HSPA12A: variants seen among roughly 807,000 people sequenced by gnomAD.
HSPA12A encodes heat shock 70 kDa protein 12A.
Under a neutral mutation model 69.2 loss-of-function variants are expected in HSPA12A, and 28 were observed. That is an observed-to-expected ratio of 0.40 (90% confidence interval 0.30 to 0.55). The LOEUF is 0.55. Ranked by LOEUF, HSPA12A falls within the 20% of genes least tolerant of loss-of-function variation. The pLI is 0.38. For synonymous variants in HSPA12A, 345 were observed against 370.5 expected (o/e 0.93, Z 0.79); for missense variants, 686 against 900.7 (o/e 0.76, Z 3.05).
Position 116,674,157 on chromosome 10 carries a change from G to GA in HSPA12A, c.*623_*624insT, listed in dbSNP as rs1367870708. The stretch of plus-strand genomic sequence containing the variant: ...CCCTAGTGGATTACCCAAGGCTACG[G>GA]TTATTCTTCCCTGAACCTCCTTGCT... On this transcript the variant is annotated 3_prime_UTR_variant, in exon 12 of 12. Coordinates refer to ENST00000369209, the MANE Select transcript of HSPA12A (RefSeq NM_025015.3). The GA allele has an allele frequency of 6.5e-6, 1 of 153,348 alleles. No homozygotes were observed. The highest frequency in any genetic ancestry group is 6.4e-5 in the Admixed American group (1 of 15,504). 9.5% of individuals were successfully genotyped at this position (153,348 alleles called of 1,614,324 possible).
intron 1 of HSPA12A, among the ~76,000 whole-genome samples, chr10:116,847,528 C>T (rs2133230110): frequency 6.6e-6 from 1 of 152,302 alleles, no homozygotes; most frequent in East Asian, 1.9e-4. Flanking sequence ...AACTACTTTT[C>T]CACCCTATTT....
At chr10:116,743,286 A>T (rs1215866615), upstream of HSPA12A, among the ~76,000 whole-genome samples, 1 of 151,634 alleles carries the variant, frequency 6.6e-6, no homozygotes, top group Non-Finnish European at 1.5e-5. Flanking sequence ...AATGATTCAT[A>T]CTCCCTGTCC....
Position 116,673,537 on chromosome 10 carries a change from A to G in HSPA12A, c.*1244T>C. On this transcript the variant is annotated 3_prime_UTR_variant, in exon 12 of 12. Coordinates refer to ENST00000369209, the MANE Select transcript of HSPA12A (RefSeq NM_025015.3). ...AACCACGATGTGGTATACACTACAA[A>G]TGCAGATTCTGGTGCCCCTCTCCAA... 6.6e-6 allele frequency: 1 copy of G among 152,196 alleles called. No homozygotes were observed. The highest frequency in any genetic ancestry group is 1.5e-5 in the Non-Finnish European group (1 of 68,040). 9.4% of individuals were successfully genotyped at this position (152,196 alleles called of 1,614,324 possible).
chr10:116,828,973 C>A (rs1845561525), intron 2 of HSPA12A: 1 of 152,190 alleles, frequency 6.6e-6, no homozygotes, highest in African/African-American at 2.4e-5. Context: ...GTGTTTCCAT[C>A]CAAGCCTCCA....
intron 2 of HSPA12A, among the ~76,000 whole-genome samples, chr10:116,747,835 C>T (rs1851683819): frequency 6.6e-6 from 1 of 151,612 alleles, no homozygotes; most frequent in Non-Finnish European, 1.5e-5. Context: ...CCCGTCTCTA[C>T]TAAAAATACA....
At chr10:116,791,829 A>T (rs1400822453) in intron 2 of HSPA12A, among the ~76,000 whole-genome samples, 1 of 151,884 alleles carries the variant, frequency 6.6e-6, no homozygotes, top group Non-Finnish European at 1.5e-5. Flanking sequence ...CTGCCTGCAG[A>T]ATCTTCCATC....
chr10:116,735,438 C>A (rs1264992295), intron 1 of HSPA12A, among the ~76,000 whole-genome samples: 1 of 152,156 alleles, frequency 6.6e-6, no homozygotes, highest in African/African-American at 2.4e-5. Context: ...CCTCAAGAGG[C>A]CTTGCAGCTT....
rs1564777383 is a variant in HSPA12A, at chr10:116,686,443, G to C, written c.664-2481C>G. ...CAACTTGCTGCAAAGAAACTGCCAG[G>C]CCTGTATGTATACAATTCTCCTCCA... is the stretch of plus-strand genomic sequence containing the variant. On this transcript the variant is annotated intron_variant, in intron 6 of 11. Transcript: ENST00000369209. This position sits in a 1 kb window ranked among gnomAD's most constrained non-coding sequence, Gnocchi z 4.1. Among the ~76,000 whole-genome samples, 1 of 152,178 alleles carries C rather than the reference G, an allele frequency of 6.6e-6. No individual in the cohort carries two copies. The highest frequency in any genetic ancestry group is 2.1e-4 in the South Asian group (1 of 4,826).
At chr10:116,692,019 T>A (rs1471653988) in intron 6 of HSPA12A, among the ~76,000 whole-genome samples, 3 of 152,168 alleles carry the variant, frequency 2.0e-5, no homozygotes, top group Non-Finnish European at 4.4e-5. Flanking sequence ...CTCACTTCAT[T>A]TCACCCACAG....
chr10:116,691,261 C>A (rs1379309079), intron 6 of HSPA12A, among the ~76,000 whole-genome samples: 4 of 152,100 alleles, frequency 2.6e-5, no homozygotes, highest in Admixed American at 6.5e-5. Flanking sequence ...CTTGACTGCA[C>A]GCAAGTTGAA....
At chr10:116,777,709 CA>C (rs1429343228) in intron 2 of HSPA12A, among the ~76,000 whole-genome samples, 1 of 152,222 alleles carries the variant, frequency 6.6e-6, no homozygotes, top group Non-Finnish European at 1.5e-5. Flanking sequence ...ATCAGATGCA[CA>C]AAAACAATTA....
intron 2 of HSPA12A, chr10:116,750,326 A>G: frequency 2.6e-6 from 2 of 759,522 alleles, no homozygotes; most frequent in South Asian, 2.7e-5. Flanking sequence ...TGGTGCCTTC[A>G]CCTGCTATTT....
intron 6 of HSPA12A, among the ~76,000 whole-genome samples, chr10:116,684,747 C>A (rs1554879268): frequency 6.6e-6 from 1 of 152,208 alleles, no homozygotes; most frequent in Non-Finnish European, 1.5e-5. Context: ...CTTTAACAAT[C>A]TGATCCCCAA....
intron 2 of HSPA12A, among the ~76,000 whole-genome samples, chr10:116,781,198 G>T (rs1844454786): frequency 6.6e-6 from 1 of 152,124 alleles, no homozygotes. Flanking sequence ...TACTTGGGAG[G>T]TTGAGCCAGG....
At chr10:116,687,876 T>C (rs1409362916) in intron 6 of HSPA12A, among the ~76,000 whole-genome samples, 1 of 152,238 alleles carries the variant, frequency 6.6e-6, no homozygotes, top group Non-Finnish European at 1.5e-5. Flanking sequence ...TCTCCAGTCC[T>C]ATACGCCAAG....
intron 1 of HSPA12A, among the ~76,000 whole-genome samples, chr10:116,730,529 G>A (rs1486355309): frequency 2.6e-5 from 4 of 152,312 alleles, no homozygotes; most frequent in Admixed American, 6.5e-5. Flanking sequence ...GAGGCCACTC[G>A]GCTAGTCAGA....
intron 2 of HSPA12A, among the ~76,000 whole-genome samples, chr10:116,799,669 G>A (rs1453112879): frequency 1.3e-5 from 2 of 152,200 alleles, no homozygotes; most frequent in Admixed American, 6.5e-5. Context: ...GAGGTGGCCT[G>A]CTAAGCCCAC....
At chr10:116,823,474 A>G (rs1395516043) in intron 2 of HSPA12A, among the ~76,000 whole-genome samples, 3 of 152,204 alleles carry the variant, frequency 2.0e-5, no homozygotes, top group Non-Finnish European at 4.4e-5. Flanking sequence ...AAGTTGGAGG[A>G]CTCACACTTT....
intron 2 of HSPA12A, chr10:116,832,874 T>C (rs1444822328): frequency 1.3e-5 from 2 of 152,204 alleles, no homozygotes; most frequent in Admixed American, 6.5e-5. Context: ...TAACCTTCCT[T>C]TGATAAAATC....
Sources: allele counts gnomAD v4.1 joint callset (sites outside exome capture counted in the v4.1 genomes callset), GRCh38; gene constraint gnomAD v4.1.1; non-coding constraint Gnocchi (gnomAD v3.1); transcripts MANE v1.5; gene names NCBI Gene and HGNC (gene_info 2026-07-23, HGNC 2026-07-21).